TPO: variants seen among roughly 807,000 people sequenced by gnomAD.
The protein encoded by TPO is thyroid peroxidase, also known as thyroid microsomal antigen.
TPO carries 78 observed loss-of-function variants against 96.9 expected under a neutral mutation model. The observed-to-expected ratio is 0.81, with a 90% CI of 0.67 to 0.97. TPO has a LOEUF of 0.97. TPO is among the 50% of genes least tolerant of loss of function. The probability of loss-of-function intolerance (pLI) is 0.00; values close to 1 mark genes in which losing one functional copy is unlikely to be tolerated. For synonymous variants in TPO, 547 were observed against 538.0 expected (o/e 1.02, Z -0.23); for missense variants, 1,252 against 1,274.8 (o/e 0.98, Z 0.27).
At chr2:1,391,241 T>C (rs1252556176) in intron 1 of TPO, among the ~76,000 whole-genome samples, 3 of 152,238 alleles carry the variant, frequency 2.0e-5, no homozygotes, top group African/African-American at 7.2e-5. Flanking sequence ...TTCAGCTTTC[T>C]ACATATGGCT....
chr2:1,508,277 T>C (rs1354300894), intron 14 of TPO, among the ~76,000 whole-genome samples: 1 of 152,122 alleles, frequency 6.6e-6, no homozygotes, highest in African/African-American at 2.4e-5. Context: ...TGCTGCTGGA[T>C]TCGGTTTGCC....
intron 15 of TPO, among the ~76,000 whole-genome samples, chr2:1,539,317 T>A (rs1006894682): frequency 1.3e-5 from 2 of 152,202 alleles, no homozygotes; most frequent in African/African-American, 2.4e-5. Context: ...AGGAAGTTGC[T>A]ATTTTATCCC....
At position 1,540,679 on chromosome 2, in the gene TPO, G is replaced by T. The variant is rs368181428; in HGVS notation, c.2704G>T (p.Val902Leu). The T allele has an allele frequency of 1.9e-5, 30 of 1,613,292 alleles. No homozygotes were observed. The highest frequency in any genetic ancestry group is 1.8e-4 in the Admixed American group (11 of 60,004). Residue 902 changes from valine to leucine, a missense_variant, in exon 16 of 17, where the codon GTA becomes TTA. Val to Leu is a conservative substitution (Grantham distance 32). Transcript: ENST00000329066. ...GCTGAGATGCGGAAAGCACCAGGCC[G>T]TAGGGACCTCACCGCAGCGGGCCGC... Reference protein sequence around the residue: ...PELRCGKHQAVGTSPQRAAAQ... With the variant: ...PELRCGKHQALGTSPQRAAAQ...
chr2:1,478,263 C>T (rs1489865616), intron 8 of TPO: 5 of 985,298 alleles, frequency 5.1e-6, no homozygotes, highest in East Asian at 1.1e-4. Flanking sequence ...CCTGGAAATG[C>T]GGTCCCTGAC....
At chr2:1,536,892 CTCCCCAAA>C (rs1679798514) in intron 15 of TPO, among the ~76,000 whole-genome samples, 1 of 139,804 alleles carries the variant, frequency 7.2e-6, no homozygotes, top group African/African-American at 2.9e-5. Flanking sequence ...TCTGTGCAAC[CTCCCCAAA>C]TCCCAACTGT....
At chr2:1,513,515 G>C (rs1454606084) in intron 14 of TPO, 1 of 152,276 alleles carries the variant, frequency 6.6e-6, no homozygotes, top group Non-Finnish European at 1.5e-5. Context: ...ACACTCCCCT[G>C]GCCTGCGAGA....
chr2:1,527,394 C>T (rs1464917023), intron 15 of TPO, among the ~76,000 whole-genome samples: 1 of 138,118 alleles, frequency 7.2e-6, no homozygotes, highest in African/African-American at 2.8e-5. Flanking sequence ...ACCCCAAATC[C>T]CCCCCACTGT....
chr2:1,461,865 G>T (rs1025562418), intron 7 of TPO, among the ~76,000 whole-genome samples: 11 of 152,172 alleles, frequency 7.2e-5, no homozygotes, highest in East Asian at 1.9e-4. Context: ...GGGCAGGGGG[G>T]GCCGTGGCGA....
intron 8 of TPO, among the ~76,000 whole-genome samples, chr2:1,482,891 C>T (rs779285295): frequency 2.6e-5 from 4 of 152,170 alleles, no homozygotes; most frequent in Non-Finnish European, 4.4e-5. Flanking sequence ...CTGTGTTGCC[C>T]AGGCTGGTCT....
chr2:1,501,732 C>G (rs1212024830), intron 13 of TPO, among the ~76,000 whole-genome samples: 3 of 152,134 alleles, frequency 2.0e-5, no homozygotes, highest in African/African-American at 7.2e-5. Flanking sequence ...AAGCTTCTGC[C>G]AGGCATGGGC....
chr2:1,505,976 A>G (rs1673413522), intron 14 of TPO, among the ~76,000 whole-genome samples: 1 of 127,404 alleles, frequency 7.8e-6, no homozygotes, highest in Non-Finnish European at 1.9e-5. Context: ...CTCGTCATTT[A>G]ACATTTGGTA....
chr2:1,453,730 G>A lies in TPO; in HGVS notation c.519G>A (p.Leu173=). Residue 173 remains leucine (L), a synonymous_variant, in exon 6 of 17, where the codon CTG becomes CTA. Transcript: ENST00000329066. ...GATGGGGCGCCTCCAACACGGCCCT[G>A]GCACGATGGCTCCCTCCAGTCTATG... is the stretch of plus-strand genomic sequence containing the variant. ...HPRWGASNTA[L]ARWLPPVYED... is the part of the protein sequence containing the mutation. The A allele has an allele frequency of 6.2e-7, 1 of 1,613,960 alleles. No homozygotes were observed. The highest frequency in any genetic ancestry group is 8.5e-7 in the Non-Finnish European group (1 of 1,180,034).
At chr2:1,512,724 C>T (rs958584228) in intron 14 of TPO, among the ~76,000 whole-genome samples, 3 of 152,314 alleles carry the variant, frequency 2.0e-5, no homozygotes, top group Admixed American at 6.5e-5. Flanking sequence ...TGGGCCAGGC[C>T]GCCGGTGGAG....
chr2:1,400,607 C>A (rs1398026567), intron 1 of TPO, among the ~76,000 whole-genome samples: 28 of 112,064 alleles, frequency 2.5e-4, no homozygotes, highest in African/African-American at 8.2e-4. Flanking sequence ...TGTGACTTTA[C>A]ATTACATGCG....
At chr2:1,435,137 G>A (rs967197188) in intron 4 of TPO, among the ~76,000 whole-genome samples, 1 of 152,142 alleles carries the variant, frequency 6.6e-6, no homozygotes, top group African/African-American at 2.4e-5. Flanking sequence ...GTTTCACCAT[G>A]TTAGCCAGGA....
Position 1,489,181 on chromosome 2 carries a change from T to TGCACATACCCATCACATGCCCA in TPO, c.1768+1197_1768+1218dup, listed in dbSNP as rs1302546401. 2.0e-3 allele frequency among the ~76,000 whole-genome samples: 272 copies of TGCACATACCCATCACATGCCCA among 135,330 alleles called. 1 individual carries two copies. Among genetic ancestry groups the TGCACATACCCATCACATGCCCA allele is most frequent in the African/African-American group, 7.5e-3 (261 of 34,624 alleles). The allele number at this position is 135,330 out of a possible 152,430, so 88.8% of individuals were successfully genotyped here. Reference sequence around the variant, plus strand: ...TACCCAGCACACACCTGCACACGCCTGCACATACCCATCACATGCCCAGCA... The same window carrying TGCACATACCCATCACATGCCCA: ...TACCCAGCACACACCTGCACACGCCTGCACATACCCATCACATGCCCAGCACATACCCATCACATGCCCAGCA... On this transcript the variant is annotated intron_variant, in intron 10 of 16. Coordinates refer to ENST00000329066, the MANE Select transcript of TPO (RefSeq NM_001206744.2).
At chr2:1,426,750 T>C (rs1664452936) in intron 3 of TPO, among the ~76,000 whole-genome samples, 3 of 152,256 alleles carry the variant, frequency 2.0e-5, no homozygotes. Flanking sequence ...CATGATGGTT[T>C]GTTGGTTGGA....
At chr2:1,414,596 C>T (rs1573078743) in intron 2 of TPO, 94 bp downstream of exon 2, 3 of 1,137,806 alleles carry the variant, frequency 2.6e-6, no homozygotes, top group African/African-American at 3.1e-5. Context: ...CTGAGAGTCA[C>T]TTTAGGCCCC....
chr2:1,421,711 G>A lies in TPO; in HGVS notation c.95-1334G>A, dbSNP rs11899974. Among the ~76,000 whole-genome samples the A allele has an allele frequency of 1.9e-3, 295 of 152,304 alleles. 2 individuals carry two copies. The highest frequency in any genetic ancestry group is 6.1e-3 in the African/African-American group (252 of 41,556). ...ATCTCAAGCTTTTGTGGGAACAGGA[G>A]GTTCCCTGATTCTTGAGAGCTGAAA... On this transcript the variant is annotated intron_variant, in intron 2 of 16. Transcript: ENST00000329066.
Sources: allele counts gnomAD v4.1 joint callset (sites outside exome capture counted in the v4.1 genomes callset), GRCh38; gene constraint gnomAD v4.1.1; transcripts MANE v1.5; gene names NCBI Gene and HGNC (gene_info 2026-07-23, HGNC 2026-07-21).